GRIN1: variants seen among roughly 807,000 people sequenced by gnomAD.
GRIN1 encodes the protein glutamate ionotropic receptor NMDA type subunit 1, also known as glutamate receptor ionotropic, NMDA 1.
GRIN1 carries 38 observed loss-of-function variants against 103.0 expected under a neutral mutation model. That is an observed-to-expected ratio of 0.37 (90% CI 0.28 to 0.48). The LOEUF (loss-of-function observed/expected upper bound fraction) is 0.48. GRIN1 is among the 20% of genes least tolerant of loss of function. The probability of loss-of-function intolerance (pLI) is 0.98; values close to 1 mark genes in which losing one functional copy is unlikely to be tolerated. For synonymous variants in GRIN1, 544 were observed against 532.7 expected, an observed-to-expected ratio of 1.02 and a Z score of -0.29; for missense variants, 577 against 1,288.9, an observed-to-expected ratio of 0.45 and a Z score of 8.46.
chr9:137,165,120 G>A (rs1833799952), intron 18 of GRIN1, 66 bp from the exon 19 acceptor site: 1 of 1,144,034 alleles, frequency 8.7e-7, no homozygotes, highest in Non-Finnish European at 1.3e-6. Flanking sequence ...GGCCCATGCA[G>A]GAGCAGGCGA....
chr9:137,162,005 C>T lies in GRIN1; in HGVS notation c.1549C>T (p.Leu517=), dbSNP rs1028688494. The T allele has an allele frequency of 6.4e-7, 1 of 1,557,426 alleles. No individual in the cohort carries two copies. Among genetic ancestry groups the T allele is most frequent in the Non-Finnish European group, 8.7e-7 (1 of 1,150,766 alleles). Residue 517 remains leucine (L), a synonymous_variant, in exon 11 of 20, where the codon CTA becomes TTA. Transcript: ENST00000371561. ...GCAGGCAGACATGATCGTGGCGCCG[C>T]TAACCATAAACAACGAGCGCGCGCA... ...SGQADMIVAP[L]TINNERAQYI...
rs1247147749 is a variant in GRIN1 at position 137,139,359 on chromosome 9, T to A, written c.-128T>A. On this transcript the variant is annotated 5_prime_UTR_variant, in exon 1 of 20. Coordinates refer to ENST00000371561, the MANE Select transcript of GRIN1 (RefSeq NM_007327.4). This position sits in a 1 kb window ranked among gnomAD's most constrained non-coding sequence, Gnocchi z 7.7. ...TCGGCCGACGTCCCGGGACCGCCGCTCCGGGGGAGACGTGGCGTCCGCAGC... is the reference window on the plus strand; with the variant it reads ...TCGGCCGACGTCCCGGGACCGCCGCACCGGGGGAGACGTGGCGTCCGCAGC... 2.0e-6 allele frequency: 1 copy of A among 495,556 alleles called. No homozygotes were observed. Among genetic ancestry groups the A allele is most frequent in the Non-Finnish European group, 2.9e-6 (1 of 339,410 alleles). 30.7% of individuals were successfully genotyped at this position (495,556 alleles called of 1,614,324 possible).
chr9:137,158,285 G>C (rs1374551258), intron 6 of GRIN1, 94 bp from the exon 7 acceptor site: 2 of 1,375,404 alleles, frequency 1.5e-6, no homozygotes, highest in South Asian at 1.2e-5. Context: ...AAGGAGCAGG[G>C]GGAAGGAGCA....
Position 137,161,347 on chromosome 9 carries a change from G to T in GRIN1, c.1398G>T (p.Leu466=), listed in dbSNP as rs756939653. 1 of 1,612,790 alleles carries T rather than the reference G, an allele frequency of 6.2e-7. No homozygotes were observed. Among genetic ancestry groups the T allele is most frequent in the East Asian group, 2.2e-5 (1 of 44,866 alleles). Residue 466 remains leucine, a synonymous_variant, in exon 10 of 20, where the codon CTG becomes CTT. Transcript: ENST00000371561. ...YGFCIDLLIK[L]ARTMNFTYEV... ...TTTGCATCGACCTGCTCATCAAGCTGGCACGGACCATGAACTTCACCTACG... is the reference window on the plus strand; with the variant it reads ...TTTGCATCGACCTGCTCATCAAGCTTGCACGGACCATGAACTTCACCTACG...
rs200393867 is a variant in GRIN1, at chr9:137,163,796, G to A, written c.2481G>A (p.Gly827=). 3.1e-6 allele frequency: 5 copies of A among 1,613,602 alleles called. No homozygotes were observed. Among genetic ancestry groups the A allele is most frequent in the Non-Finnish European group, 4.2e-6 (5 of 1,179,962 alleles). ...FMLVAGGIVA[G]IFLIFIEIAY... ...TGGTAGCTGGGGGCATCGTGGCCGG[G>A]ATCTTCCTGATTTTCATCGAGATTG... Residue 827 remains glycine (G), a synonymous_variant, in exon 18 of 20, where the codon GGG becomes GGA. Coordinates refer to ENST00000371561, the MANE Select transcript of GRIN1 (RefSeq NM_007327.4).
chr9:137,161,877 G>T, intron 10 of GRIN1, 47 bp from the exon 11 acceptor site: 1 of 1,542,134 alleles, frequency 6.5e-7, no homozygotes. Flanking sequence ...TGTGGCGGGA[G>T]CTGGGAGGAC....
chr9:137,158,273 A>AGAAGGAGCAGGGG, intron 6 of GRIN1, 106 bp from the exon 7 acceptor site: 5 of 1,253,354 alleles, frequency 4.0e-6, no homozygotes, highest in Non-Finnish European at 3.5e-6. Context: ...AGGAGCAGGG[A>AGAAGGAGCAGGGG]GAAGGAGCAG....
Position 137,156,856 on chromosome 9 carries a change from C to T in GRIN1, c.794-7C>T, listed in dbSNP as rs761167653. The T allele has an allele frequency of 2.5e-6, 4 of 1,610,360 alleles. No individual in the cohort carries two copies. Among genetic ancestry groups the T allele is most frequent in the Admixed American group, 1.7e-5 (1 of 59,796 alleles). On this transcript the variant is annotated splice_region_variant and splice_polypyrimidine_tract_variant and intron_variant, in intron 5 of 19. Coordinates refer to ENST00000371561, the MANE Select transcript of GRIN1 (RefSeq NM_007327.4). Reference sequence around the variant, plus strand: ...CCCCACGGGCTCTGAGTCGCATGCTCGCCTAGGCATCCTCGGGCTGCAGCT... The same window carrying T: ...CCCCACGGGCTCTGAGTCGCATGCTTGCCTAGGCATCCTCGGGCTGCAGCT...
At chr9:137,164,294 C>A in intron 18 of GRIN1, 1 of 332,670 alleles carries the variant, frequency 3.0e-6, no homozygotes, top group South Asian at 2.6e-5. Context: ...CCCCTTGACA[C>A]CCTTCGGAGA....
chr9:137,146,606 G>T lies in GRIN1; in HGVS notation c.570+704G>T, dbSNP rs1037544281. 9.2e-5 allele frequency among the ~76,000 whole-genome samples: 14 copies of T among 152,128 alleles called. No homozygotes were observed. The highest frequency in any genetic ancestry group is 1.6e-4 in the Non-Finnish European group (11 of 68,014). ...CAGAGAGATCAGAGCTGGGATTTGG[G>T]GGGGTCCGAGCGACCCCTTTCCCCT... On this transcript the variant is annotated intron_variant, in intron 3 of 19. Coordinates refer to ENST00000371561, the MANE Select transcript of GRIN1 (RefSeq NM_007327.4). The surrounding 1 kb of genome is among the most constrained non-coding windows in gnomAD (Gnocchi z 6.7).
At chr9:137,147,742 A>T (rs1832630064) in intron 3 of GRIN1, among the ~76,000 whole-genome samples, 1 of 152,180 alleles carries the variant, frequency 6.6e-6, no homozygotes. Context: ...AGGGGGAGGG[A>T]CATGGGGACA....
intron 8 of GRIN1, among the ~76,000 whole-genome samples, chr9:137,160,666 G>A (rs181978304): frequency 6.6e-6 from 1 of 152,302 alleles, no homozygotes; most frequent in Non-Finnish European, 1.5e-5. Context: ...TCCTGACCTC[G>A]TGATCCGGCC....
rs925924500 is a variant in GRIN1 at position 137,146,914 on chromosome 9, G to A, written c.570+1012G>A. On this transcript the variant is annotated intron_variant, in intron 3 of 19. Coordinates refer to ENST00000371561, the MANE Select transcript of GRIN1 (RefSeq NM_007327.4). This position sits in a 1 kb window ranked among gnomAD's most constrained non-coding sequence, Gnocchi z 6.7. ...CCAGGGGCAGACCAGAGGGTCCTGGGAGTACTGTCGTGGGGGGTCTGCTGA... is the reference window on the plus strand; with the variant it reads ...CCAGGGGCAGACCAGAGGGTCCTGGAAGTACTGTCGTGGGGGGTCTGCTGA... Among the ~76,000 whole-genome samples the A allele has an allele frequency of 3.9e-5, 6 of 152,076 alleles. No individual in the cohort carries two copies. The highest frequency in any genetic ancestry group is 9.7e-5 in the African/African-American group (4 of 41,400).
At chr9:137,143,203 C>T (rs1191340497) in intron 2 of GRIN1, among the ~76,000 whole-genome samples, 4 of 152,268 alleles carry the variant, frequency 2.6e-5, no homozygotes, top group Non-Finnish European at 5.9e-5. Flanking sequence ...TGCCCAGAGT[C>T]CACAGTCCTT....
At chr9:137,162,133 G>A (rs1418982885) in intron 11 of GRIN1, 39 bp from the exon 12 acceptor site, 1 of 1,539,220 alleles carries the variant, frequency 6.5e-7, no homozygotes, top group Non-Finnish European at 8.8e-7. Flanking sequence ...GGGAGTCCCT[G>A]GAGGGCCCGG....
rs28408401 is a variant in GRIN1, at chr9:137,158,202, G to A, written c.969-177G>A. 0.039 allele frequency among the ~76,000 whole-genome samples: 5,903 copies of A among 152,290 alleles called. 372 individuals carry two copies. Among genetic ancestry groups the A allele is most frequent in the African/African-American group, 0.13 (5,467 of 41,530 alleles). On this transcript the variant is annotated intron_variant, in intron 6 of 19. Coordinates refer to ENST00000371561, the MANE Select transcript of GRIN1 (RefSeq NM_007327.4). ...CGGTGTCCAGGGTCTGGCGTCTGCT[G>A]ATCTTTCCGTTCTTGGGACTGGGAC...
rs1298258365 is a variant in GRIN1 at position 137,161,202 on chromosome 9, G to C, written c.1339+5G>C. ...ACGACACGTCGCCGGGCAGCCGTGA[G>C]TGCGCGGGGCAGGGCGCGGGGCGCG... On this transcript the variant is annotated splice_donor_5th_base_variant and intron_variant, in intron 9 of 19. Coordinates refer to ENST00000371561, the MANE Select transcript of GRIN1 (RefSeq NM_007327.4). The C allele has an allele frequency of 6.2e-7, 1 of 1,609,040 alleles. No individual in the cohort carries two copies. The highest frequency in any genetic ancestry group is 1.3e-5 in the African/African-American group (1 of 74,952).
At position 137,139,958 on chromosome 9, in the gene GRIN1, C is replaced by T. The variant is rs1488124108; in HGVS notation, c.258+214C>T. ...TTGGCCTGAGACCAGTCACCTGCCA[C>T]CTTGGCTGGTCCTCAGAGGGCCCCT... On this transcript the variant is annotated intron_variant, in intron 1 of 19. Coordinates refer to ENST00000371561, the MANE Select transcript of GRIN1 (RefSeq NM_007327.4). This position sits in a 1 kb window ranked among gnomAD's most constrained non-coding sequence, Gnocchi z 7.7. Among the ~76,000 whole-genome samples, 2 of 152,218 alleles carry T rather than the reference C, an allele frequency of 1.3e-5. No individual in the cohort carries two copies. Among genetic ancestry groups the T allele is most frequent in the Non-Finnish European group, 2.9e-5 (2 of 68,046 alleles).
intron 19 of GRIN1, among the ~76,000 whole-genome samples, chr9:137,167,051 G>A (rs1833917852): frequency 6.6e-6 from 1 of 152,168 alleles, no homozygotes; most frequent in Admixed American, 6.5e-5. Context: ...TGTTCCCAGC[G>A]GAACCCTCAC....
Sources: allele counts gnomAD v4.1 joint callset (sites outside exome capture counted in the v4.1 genomes callset), GRCh38; gene constraint gnomAD v4.1.1; non-coding constraint Gnocchi (gnomAD v3.1); transcripts MANE v1.5; gene names NCBI Gene and HGNC (gene_info 2026-07-23, HGNC 2026-07-21).